Variants in OTOF observed in about 807,000 individuals in gnomAD.
The protein encoded by OTOF is otoferlin.
In OTOF, 218 loss-of-function variants were observed where a neutral mutation model predicts 236.8. The ratio of observed to expected loss-of-function variants is 0.92; its 90% CI spans 0.82 to 1.03. The LOEUF is 1.03. OTOF is among the 50% of genes least tolerant of loss of function. OTOF has a pLI of 0.00. For missense variants in OTOF, 2,590 were observed against 2,694.4 expected (o/e 0.96, Z 0.86); for synonymous variants, 1,041 against 1,072.5 (o/e 0.97, Z 0.57).
Position 26,537,780 on chromosome 2 carries a change from G to A in OTOF, c.80-6C>T, listed in dbSNP as rs909115607. The A allele has an allele frequency of 3.9e-6, 6 of 1,551,236 alleles. No individual in the cohort carries two copies. Among genetic ancestry groups the A allele is most frequent in the Non-Finnish European group, 5.2e-6 (6 of 1,145,972 alleles). ...CCGAGAGTAGAAGGATTGCCCTGTG[G>A]GGAAAGAGGAAATAAATTCTAGGGT... On this transcript the variant is annotated splice_polypyrimidine_tract_variant and splice_region_variant and intron_variant, in intron 1 of 46. Transcript: ENST00000272371.
intron 2 of OTOF, among the ~76,000 whole-genome samples, chr2:26,531,975 C>T (rs56079005): frequency 6.6e-6 from 1 of 151,312 alleles, no homozygotes; most frequent in Non-Finnish European, 1.5e-5. Flanking sequence ...TGCCTGTAAT[C>T]TCAGCTACTT....
At position 26,476,879 on chromosome 2, in the gene OTOF, C is replaced by T. The variant is rs776662799; in HGVS notation, c.2676+12G>A. ...GGACCCAGGCCCCCATCCATCCTGC[C>T]CCCTCCAGCACCTTAAGGAAGAGCG... is the stretch of plus-strand genomic sequence containing the variant. On this transcript the variant is annotated intron_variant, in intron 22 of 46. Coordinates refer to ENST00000272371, the MANE Select transcript of OTOF (RefSeq NM_194248.3). 2 of 1,606,380 alleles carry T rather than the reference C, an allele frequency of 1.2e-6. No homozygotes were observed. Among genetic ancestry groups the T allele is most frequent in the Non-Finnish European group, 1.7e-6 (2 of 1,179,320 alleles).
intron 1 of OTOF, among the ~76,000 whole-genome samples, chr2:26,546,062 A>G (rs1037165613): frequency 1.3e-5 from 2 of 152,356 alleles, no homozygotes; most frequent in African/African-American, 4.8e-5. Context: ...AGCCTTAATG[A>G]TAACATAAAC....
intron 4 of OTOF, 144 bp downstream of exon 4, chr2:26,518,866 A>G (rs1017878016): frequency 1.4e-6 from 1 of 707,860 alleles, no homozygotes; most frequent in Non-Finnish European, 2.6e-6. Context: ...ATTCCAGCAG[A>G]GTCTGACCTG....
intron 2 of OTOF, among the ~76,000 whole-genome samples, chr2:26,534,286 C>T (rs1226146559): frequency 6.6e-6 from 1 of 152,212 alleles, no homozygotes; most frequent in Non-Finnish European, 1.5e-5. Context: ...TCCCCTGGGG[C>T]CTGCTCCACA....
At chr2:26,476,350 A>T (rs1558483612) in intron 22 of OTOF, 33 bp from the exon 23 acceptor site, 1 of 1,593,582 alleles carries the variant, frequency 6.3e-7, no homozygotes, top group East Asian at 2.2e-5. Context: ...CAGGAGCCTG[A>T]CGGCTGCCAG....
intron 8 of OTOF, 149 bp downstream of exon 8, chr2:26,501,605 A>G: frequency 1.5e-6 from 1 of 651,350 alleles, no homozygotes; most frequent in Middle Eastern, 2.5e-4. Flanking sequence ...GCCTCCCAGG[A>G]ACAAGCTTAC....
chr2:26,550,501 C>CCCGGCCCTCAAGGT, intron 1 of OTOF, among the ~76,000 whole-genome samples: 1 of 148,238 alleles, frequency 6.7e-6, no homozygotes, highest in African/African-American at 2.6e-5. Flanking sequence ...GCCCTCAAGG[C>CCCGGCCCTCAAGGT]GCCCACCTGG....
chr2:26,477,937 G>A lies in OTOF; in HGVS notation c.2215-188C>T. On this transcript the variant is annotated intron_variant, in intron 18 of 46. Transcript: ENST00000272371. The surrounding 1 kb of genome is among the most constrained non-coding windows in gnomAD (Gnocchi z 4.7). ...CCAGGTTCTGTTCTCAGAACCTGGA[G>A]ATGTTGGTGTTCATGGGGGTTCTTC... is the stretch of plus-strand genomic sequence containing the variant. 2 of 1,455,554 alleles carry A rather than the reference G, an allele frequency of 1.4e-6. No homozygotes were observed. The highest frequency in any genetic ancestry group is 1.8e-6 in the Non-Finnish European group (2 of 1,113,836). 90.2% of individuals were successfully genotyped at this position (1,455,554 alleles called of 1,614,324 possible). A position where few individuals can be genotyped will look rare whatever the true frequency, so the allele number is the denominator to read the frequency against.
Position 26,477,951 on chromosome 2 carries a change from TGG to T in OTOF, c.2215-204_2215-203del, listed in dbSNP as rs55806442. The T allele has an allele frequency of 0.49, 723,502 of 1,474,890 alleles. 188,544 individuals are homozygous for T. The highest frequency in any genetic ancestry group is 0.98 in the East Asian group (39,415 of 40,356). The allele number at this position is 1,474,890 out of a possible 1,614,324, so 91.4% of individuals were successfully genotyped here. On this transcript the variant is annotated intron_variant, in intron 18 of 46. Coordinates refer to ENST00000272371, the MANE Select transcript of OTOF (RefSeq NM_194248.3). This position sits in a 1 kb window ranked among gnomAD's most constrained non-coding sequence, Gnocchi z 4.7. ...CAGAACCTGGAGATGTTGGTGTTCA[TGG>T]GGGTTCTTCAGTTCCTGAAGGAAGA...
chr2:26,476,980 C>T lies in OTOF; in HGVS notation c.2587G>A (p.Ala863Thr), dbSNP rs1320831897. 1.9e-6 allele frequency: 3 copies of T among 1,611,202 alleles called. No homozygotes were observed. The highest frequency in any genetic ancestry group is 2.7e-5 in the African/African-American group (2 of 74,804). The change falls in exon 22 of 47, where the codon GCC (alanine) becomes ACC (threonine). Residue 863 changes from alanine to threonine, a missense_variant. Physicochemically the swap from Ala to Thr is moderately conservative, Grantham distance 58. Around this residue, in one of 2 missense-constraint regions of OTOF, gnomAD observed 1,379 missense variants for 1,341.6 expected, o/e 1.03. Coordinates refer to ENST00000272371, the MANE Select transcript of OTOF (RefSeq NM_194248.3). ...AGCAGGTCCTTGGAGGGCACACGGG[C>T]ATAGGCGACACGCTTGTTGTTGCTC... The part of the protein sequence containing the change: ...MMSNNKRVAY[A>T]RVPSKDLLFS...
At chr2:26,463,183 G>A (rs759405291) in intron 41 of OTOF, among the ~76,000 whole-genome samples, 6 of 152,166 alleles carry the variant, frequency 3.9e-5, no homozygotes, top group Non-Finnish European at 8.8e-5. Context: ...GTATGGGCGC[G>A]TAGACCGTGT....
chr2:26,543,828 T>G lies in OTOF; in HGVS notation c.80-6054A>C, dbSNP rs150896525. Among the ~76,000 whole-genome samples the G allele has an allele frequency of 3.0e-3, 462 of 152,358 alleles. 2 individuals carry two copies. The highest frequency in any genetic ancestry group is 0.011 in the African/African-American group (442 of 41,580). On this transcript the variant is annotated intron_variant, in intron 1 of 46. Coordinates refer to ENST00000272371, the MANE Select transcript of OTOF (RefSeq NM_194248.3). ...ACCTCCTGGGTTCAAGTGACTCTCC[T>G]GCATTAGCCTCCTAAGTAGCTGGAA...
chr2:26,465,576 T>G lies in OTOF; in HGVS notation c.4799+96A>C, dbSNP rs575687078. 127 of 1,364,624 alleles carry G rather than the reference T, an allele frequency of 9.3e-5. 1 individual carries two copies. The South Asian group carries it at 1.5e-3, about 16-fold the overall frequency. The allele number at this position is 1,364,624 out of a possible 1,614,324, so 84.5% of individuals were successfully genotyped here. A position where few individuals can be genotyped will look rare whatever the true frequency, so the allele number is the denominator to read the frequency against. Reference sequence around the variant, plus strand: ...GCCTGGCCTGGGACAGAAACCACAATGTCTAACCTCTCAAATCACCAGGAT... The same window carrying G: ...GCCTGGCCTGGGACAGAAACCACAAGGTCTAACCTCTCAAATCACCAGGAT... On this transcript the variant is annotated intron_variant, in intron 38 of 46. Transcript: ENST00000272371.
Position 26,519,057 on chromosome 2 carries a change from C to G in OTOF, c.280G>C (p.Val94Leu). 6.2e-7 allele frequency: 1 copy of G among 1,610,244 alleles called. No homozygotes were observed. Among genetic ancestry groups the G allele is most frequent in the South Asian group, 1.1e-5 (1 of 90,236 alleles). The change falls in exon 4 of 47, where the codon GTG becomes CTG. Residue 94 changes from valine (V) to leucine (L), a missense_variant. Transcript: ENST00000272371. The stretch of plus-strand genomic sequence containing the variant: ...TCAATCAGCGTGTCAGTCACCTCCA[C>G]ATGGCTCTCCTCTACCACCTTCTGC... Reference protein sequence around the residue: ...VLQKVVEESHVEVTDTLIDDN... With the variant: ...VLQKVVEESHLEVTDTLIDDN...
chr2:26,554,194 A>C (rs1345826230), intron 1 of OTOF, among the ~76,000 whole-genome samples: 1 of 142,736 alleles, frequency 7.0e-6, no homozygotes, highest in Non-Finnish European at 1.5e-5. Flanking sequence ...AAAAATCGTT[A>C]GGCCCCTCTG....
chr2:26,554,949 A>C (rs979970200), intron 1 of OTOF, among the ~76,000 whole-genome samples: 1 of 152,214 alleles, frequency 6.6e-6, no homozygotes, highest in East Asian at 1.9e-4. Context: ...CTCAGGGGAT[A>C]GAAAGAGAAG....
At position 26,476,938 on chromosome 2, in the gene OTOF, C is replaced by T. The variant is rs201726560; in HGVS notation, c.2629G>A (p.Glu877Lys). 24 of 1,611,354 alleles carry T rather than the reference C, an allele frequency of 1.5e-5. No homozygotes were observed. Among genetic ancestry groups the T allele is most frequent in the East Asian group, 1.3e-4 (6 of 44,778 alleles). ...SKDLLFSIVE[E>K]ETGKDCAKVK... is the part of the protein sequence containing the mutation. The stretch of plus-strand genomic sequence containing the variant: ...TTGGCGCAGTCCTTGCCAGTCTCCT[C>T]CTCCACGATGGAGAAGAGCAGGTCC... The change falls in exon 22 of 47, where the codon GAG (glutamate) becomes AAG (lysine). Residue 877 changes from glutamate (E) to lysine (K), a missense_variant. Transcript: ENST00000272371.
At chr2:26,458,250 C>G in intron 46 of OTOF, 30 bp from the exon 47 acceptor site, 1 of 1,554,912 alleles carries the variant, frequency 6.4e-7, no homozygotes, top group Non-Finnish European at 8.7e-7. Flanking sequence ...AGCCGGTCAG[C>G]CAGTGGGCAG....
Sources: gnomAD v4.1 joint callset for allele counts (sites outside exome capture counted in the v4.1 genomes callset) on GRCh38, gnomAD v4.1.1 for gene constraint, gnomAD v4.1.1 regional missense constraint, Gnocchi (gnomAD v3.1) non-coding constraint, MANE v1.5 for transcripts, NCBI Gene and HGNC (gene_info 2026-07-23, HGNC 2026-07-21) for gene names.